The following PCDHGB2 variants were observed in gnomAD, a reference collection of about 807,000 sequenced individuals.
PCDHGB2 encodes protocadherin gamma subfamily B, 2, also known as protocadherin gamma-B2.
A neutral mutation model predicts 59.3 loss-of-function variants in PCDHGB2; 55 were observed. That is an observed-to-expected ratio of 0.93 (90% CI 0.75 to 1.16). The LOEUF (loss-of-function observed/expected upper bound fraction) is 1.16, where lower values mean the gene tolerates loss of function less well. Ranked by LOEUF, PCDHGB2 falls within the 50% of genes most tolerant of loss-of-function variation. The probability of loss-of-function intolerance (pLI) is 0.00; values close to 1 mark genes in which losing one functional copy is unlikely to be tolerated. For synonymous variants in PCDHGB2, 516 were observed against 512.0 expected, an observed-to-expected ratio of 1.01 and a Z score of -0.11; for missense variants, 1,228 against 1,198.5, an observed-to-expected ratio of 1.02 and a Z score of -0.36.
At chr5:141,445,213 A>C (rs775782586) in intron 1 of PCDHGB2, among the ~76,000 whole-genome samples, 1 of 152,226 alleles carries the variant, frequency 6.6e-6, no homozygotes, top group Non-Finnish European at 1.5e-5. Context: ...TTGAAAAGTA[A>C]GAGGTGCAAA....
intron 1 of PCDHGB2, among the ~76,000 whole-genome samples, chr5:141,453,710 A>C (rs988115758): frequency 3.9e-5 from 6 of 152,242 alleles, no homozygotes; most frequent in African/African-American, 1.4e-4. Context: ...GAACAGTTTC[A>C]CTATAAAAAT....
intron 1 of PCDHGB2, chr5:141,389,837 AC>A (rs2091936174): frequency 6.2e-7 from 1 of 1,613,842 alleles, no homozygotes. Flanking sequence ...GACAGCCACC[AC>A]TCTCGGCCAC....
At chr5:141,433,208 CTTT>C (rs745329085) in intron 1 of PCDHGB2, 6 of 1,292,918 alleles carry the variant, frequency 4.6e-6, no homozygotes, top group East Asian at 2.6e-5. Flanking sequence ...AATCTTCTTT[CTTT>C]TTTTTTTTTA....
At chr5:141,417,699 C>A (rs2096148616) in intron 1 of PCDHGB2, 1 of 1,164,548 alleles carries the variant, frequency 8.6e-7, no homozygotes, top group Non-Finnish European at 1.2e-6. Context: ...AACCAGCTCC[C>A]ACACAGAGGC....
chr5:141,419,939 G>C, intron 1 of PCDHGB2: 6 of 1,614,054 alleles, frequency 3.7e-6, no homozygotes, highest in Admixed American at 1.7e-5. Flanking sequence ...TTACCTGGTG[G>C]TGGCCTTGGC....
At chr5:141,398,416 G>A (rs2093654818) in intron 1 of PCDHGB2, 3 of 1,496,580 alleles carry the variant, frequency 2.0e-6, no homozygotes, top group South Asian at 1.1e-5. Flanking sequence ...GGAGATATGC[G>A]GGAAGAAGCC....
intron 1 of PCDHGB2, chr5:141,441,795 C>T (rs569465359): frequency 2.6e-6 from 1 of 387,758 alleles, no homozygotes; most frequent in Non-Finnish European, 5.1e-6. Flanking sequence ...TGACAACGCA[C>T]CGCGGGTGCT....
At chr5:141,462,800 A>C (rs1039129881) in intron 1 of PCDHGB2, among the ~76,000 whole-genome samples, 2 of 152,128 alleles carry the variant, frequency 1.3e-5, no homozygotes, top group Non-Finnish European at 2.9e-5. Flanking sequence ...TTGCATGTCT[A>C]ATAATGTTTT....
At chr5:141,419,567 G>A in intron 1 of PCDHGB2, 1 of 1,611,758 alleles carries the variant, frequency 6.2e-7, no homozygotes, top group Non-Finnish European at 8.5e-7. Context: ...GCTGGGTCCC[G>A]ACGGCTCCGC....
At chr5:141,373,886 A>G in intron 1 of PCDHGB2, 1 of 500,972 alleles carries the variant, frequency 2.0e-6, no homozygotes, top group Non-Finnish European at 3.4e-6. Context: ...AATCAACGGA[A>G]ACTCAAGTTA....
At chr5:141,466,621 T>A (rs911794654) in intron 1 of PCDHGB2, among the ~76,000 whole-genome samples, 1 of 152,208 alleles carries the variant, frequency 6.6e-6, no homozygotes, top group Non-Finnish European at 1.5e-5. Context: ...GCCGTTTTCT[T>A]TGGAGCATTG....
intron 1 of PCDHGB2, chr5:141,364,455 G>C (rs753233498): frequency 1.9e-6 from 3 of 1,614,000 alleles, no homozygotes; most frequent in South Asian, 1.1e-5. Flanking sequence ...CTGGACAAAG[G>C]CTCCTTCGTC....
chr5:141,394,536 G>C (rs2093028301), intron 1 of PCDHGB2: 2 of 1,614,070 alleles, frequency 1.2e-6, no homozygotes. Flanking sequence ...TTCCACTGGC[G>C]TGGAGCTGGC....
intron 1 of PCDHGB2, among the ~76,000 whole-genome samples, chr5:141,463,618 T>G (rs2099065558): frequency 6.6e-6 from 1 of 151,792 alleles, no homozygotes; most frequent in African/African-American, 2.4e-5. Context: ...CCGGCTAATT[T>G]TTTGTATTTT....
intron 1 of PCDHGB2, among the ~76,000 whole-genome samples, chr5:141,444,000 A>T (rs2098413157): frequency 6.6e-6 from 1 of 152,070 alleles, no homozygotes; most frequent in African/African-American, 2.4e-5. Context: ...TTTAAATGCT[A>T]CCTGGGTATT....
intron 1 of PCDHGB2, chr5:141,404,489 G>C: frequency 6.2e-7 from 1 of 1,613,796 alleles, no homozygotes; most frequent in Non-Finnish European, 8.5e-7. Flanking sequence ...AGACACTGGT[G>C]TGCTGTATGC....
chr5:141,427,999 T>A, intron 1 of PCDHGB2: 1 of 1,601,186 alleles, frequency 6.2e-7, no homozygotes, highest in Non-Finnish European at 8.5e-7. Context: ...GGCTCCGCAC[T>A]CTTCGATATA....
chr5:141,478,590 A>T, intron 1 of PCDHGB2: 1 of 1,573,342 alleles, frequency 6.4e-7, no homozygotes, highest in South Asian at 1.1e-5. Flanking sequence ...GTGCTTTTTT[A>T]TTCCTACATC....
At chr5:141,496,412 T>C (rs1322376676) in intron 2 of PCDHGB2, among the ~76,000 whole-genome samples, 1 of 152,180 alleles carries the variant, frequency 6.6e-6, no homozygotes, top group African/African-American at 2.4e-5. Context: ...GGTTGAGTAC[T>C]TGCTGTCCAC....
Sources: allele counts gnomAD v4.1 joint callset (sites outside exome capture counted in the v4.1 genomes callset), GRCh38; gene constraint gnomAD v4.1.1; transcripts MANE v1.5; gene names NCBI Gene and HGNC (gene_info 2026-07-23, HGNC 2026-07-21).